ZNF280D: variants seen among roughly 807,000 people sequenced by gnomAD.
ZNF280D encodes suppressor of hairy wing homolog 4.
Under a neutral mutation model 94.7 loss-of-function variants are expected in ZNF280D, and 39 were observed. The ratio of observed to expected loss-of-function variants is 0.41; its 90% CI spans 0.32 to 0.54. The LOEUF (loss-of-function observed/expected upper bound fraction) is 0.54, where lower values mean the gene tolerates loss of function less well. ZNF280D is among the 20% of genes least tolerant of loss of function. The probability of loss-of-function intolerance (pLI) is 0.22; values close to 1 mark genes in which losing one functional copy is unlikely to be tolerated. For missense variants in ZNF280D, 1,090 were observed against 1,149.3 expected, an observed-to-expected ratio of 0.95 and a Z score of 0.75; for synonymous variants, 398 against 377.6, an observed-to-expected ratio of 1.05 and a Z score of -0.63.
chr15:56,668,128 T>C (rs1288593649), intron 14 of ZNF280D: 4 of 455,132 alleles, frequency 8.8e-6, no homozygotes, highest in Non-Finnish European at 1.8e-5. Context: ...ATAACAGACA[T>C]ACCCACATTC....
intron 14 of ZNF280D, 62 bp from the exon 15 acceptor site, chr15:56,667,048 C>G: frequency 1.6e-6 from 2 of 1,240,400 alleles, no homozygotes; most frequent in Non-Finnish European, 2.1e-6. Context: ...ATTAAAATAT[C>G]ATGGTACAAA....
chr15:56,705,208 A>C (rs188682842), intron 3 of ZNF280D, among the ~76,000 whole-genome samples: 1 of 152,162 alleles, frequency 6.6e-6, no homozygotes, highest in African/African-American at 2.4e-5. Context: ...TTTTCTCTAA[A>C]CTGTACTATT....
At chr15:56,637,169 A>ATTTTT (rs10659333) in intron 20 of ZNF280D, among the ~76,000 whole-genome samples, 1 of 138,468 alleles carries the variant, frequency 7.2e-6, no homozygotes, top group South Asian at 2.3e-4. Context: ...TCCAGAATGA[A>ATTTTT]TTTTTTTTTT....
chr15:56,665,304 G>T (rs931226253), intron 16 of ZNF280D, among the ~76,000 whole-genome samples: 18 of 152,004 alleles, frequency 1.2e-4, no homozygotes, highest in African/African-American at 4.1e-4. Flanking sequence ...AACTTACTTT[G>T]AAAAAGCAAA....
intron 7 of ZNF280D, among the ~76,000 whole-genome samples, chr15:56,689,931 T>G (rs1461346277): frequency 6.6e-6 from 1 of 152,180 alleles, no homozygotes; most frequent in East Asian, 1.9e-4. Flanking sequence ...ATTTAACAAC[T>G]TAAAATGTCT....
chr15:56,729,420 A>G (rs2058780531), intron 1 of ZNF280D, among the ~76,000 whole-genome samples: 5 of 152,212 alleles, frequency 3.3e-5, no homozygotes. Flanking sequence ...TTTCGAATAT[A>G]ATTCATGATT....
chr15:56,701,630 A>G (rs1394863762), intron 4 of ZNF280D, among the ~76,000 whole-genome samples: 2 of 152,144 alleles, frequency 1.3e-5, no homozygotes, highest in Middle Eastern at 3.2e-3. Flanking sequence ...TTGCATGATG[A>G]CAGGGCTGTT....
intron 12 of ZNF280D, 113 bp from the exon 13 acceptor site, chr15:56,676,929 C>T (rs2055272028): frequency 4.0e-6 from 3 of 757,898 alleles, no homozygotes; most frequent in Admixed American, 2.8e-5. Flanking sequence ...ACTAATCTAG[C>T]TCTGATGCCT....
intron 16 of ZNF280D, among the ~76,000 whole-genome samples, chr15:56,659,366 C>A (rs1389530585): frequency 1.3e-5 from 2 of 151,936 alleles, no homozygotes; most frequent in African/African-American, 4.8e-5. Context: ...CACCTAACAG[C>A]TTACAGTTGT....
chr15:56,726,958 A>T (rs1454508449), intron 1 of ZNF280D, among the ~76,000 whole-genome samples: 1 of 152,238 alleles, frequency 6.6e-6, no homozygotes, highest in Non-Finnish European at 1.5e-5. Context: ...AGTGAAACTC[A>T]AACAAGTGGT....
intron 20 of ZNF280D, among the ~76,000 whole-genome samples, chr15:56,639,431 G>A (rs2052518014): frequency 6.6e-6 from 1 of 151,906 alleles, no homozygotes; most frequent in Non-Finnish European, 1.5e-5. Flanking sequence ...CTCCCAAACA[G>A]AAATCTCCAA....
chr15:56,666,769 T>G lies in ZNF280D; in HGVS notation c.1763A>C (p.Lys588Thr), dbSNP rs1251628332. 1 of 1,613,712 alleles carries G rather than the reference T, an allele frequency of 6.2e-7. No individual in the cohort carries two copies. The highest frequency in any genetic ancestry group is 8.5e-7 in the Non-Finnish European group (1 of 1,179,872). ...SKPNGSKSKY[K>T]PKISNMQKKQ... Reference sequence around the variant, plus strand: ...CTTTTGCATATTAGAGATTTTTGGTTTGTATTTAGATTTACTTCCATTAGG... The same window carrying G: ...CTTTTGCATATTAGAGATTTTTGGTGTGTATTTAGATTTACTTCCATTAGG... The change falls in exon 15 of 22, where the codon AAA becomes ACA. Residue 588 changes from lysine (K) to threonine (T), a missense_variant. Around this residue, in one of 3 missense-constraint regions of ZNF280D, gnomAD observed 577 missense variants for 568.8 expected, o/e 1.01. Transcript: ENST00000267807.
Position 56,631,272 on chromosome 15 carries a change from A to C in ZNF280D, c.*226T>G. On this transcript the variant is annotated 3_prime_UTR_variant, in exon 22 of 22. Transcript: ENST00000267807. ...CCACTGCAAATTTAATTATCATTAAAATCCTGTTCGTGTTTTTAAAAACTT... is the reference window on the plus strand; with the variant it reads ...CCACTGCAAATTTAATTATCATTAACATCCTGTTCGTGTTTTTAAAAACTT... The C allele has an allele frequency of 2.2e-6, 1 of 451,660 alleles. No individual in the cohort carries two copies. Among genetic ancestry groups the C allele is most frequent in the Non-Finnish European group, 3.9e-6 (1 of 254,768 alleles). The allele number at this position is 451,660 out of a possible 1,614,324, so 28.0% of individuals were successfully genotyped here. A position where few individuals can be genotyped will look rare whatever the true frequency, so the allele number is the denominator to read the frequency against.
intron 19 of ZNF280D, among the ~76,000 whole-genome samples, chr15:56,648,289 C>G (rs2053015684): frequency 6.6e-6 from 1 of 151,928 alleles, no homozygotes; most frequent in African/African-American, 2.4e-5. Flanking sequence ...TTATATTGCC[C>G]AAACATCATT....
intron 3 of ZNF280D, 72 bp from the exon 4 acceptor site, chr15:56,704,339 C>T (rs1232347714): frequency 1.2e-5 from 17 of 1,400,554 alleles, no homozygotes; most frequent in East Asian, 2.5e-5. Flanking sequence ...TAATACATAG[C>T]ATTAATTTTA....
At position 56,689,312 on chromosome 15, in the gene ZNF280D, T is replaced by A; in HGVS notation, c.658A>T (p.Met220Leu). The change falls in exon 8 of 22, where the codon ATG becomes TTG. Residue 220 changes from methionine (M) to leucine (L), a missense_variant. Transcript: ENST00000267807. ...KSPSVTSSQA[M>L]LAKGTNTSSN... is the part of the protein sequence containing the mutation. ...ATTTCATATTTACCTTTTGCTAGCA[T>A]AGCCTGGGAAGAAGTCACTGAAGGA... 2.5e-6 allele frequency: 4 copies of A among 1,597,824 alleles called. No homozygotes were observed. The highest frequency in any genetic ancestry group is 3.4e-6 in the Non-Finnish European group (4 of 1,174,972).
chr15:56,718,380 A>G (rs1393863899), intron 1 of ZNF280D, among the ~76,000 whole-genome samples: 4 of 152,196 alleles, frequency 2.6e-5, no homozygotes, highest in African/African-American at 9.6e-5. Flanking sequence ...GAGGGCTTAA[A>G]TCAAAACTCC....
chr15:56,700,877 G>T, intron 6 of ZNF280D, 56 bp downstream of exon 6: 1 of 1,613,100 alleles, frequency 6.2e-7, no homozygotes, highest in South Asian at 1.1e-5. Flanking sequence ...TGTTGATATT[G>T]ATAAACAACA....
Position 56,667,005 on chromosome 15 carries a change from G to T in ZNF280D, c.1546-19C>A, listed in dbSNP as rs1435529200. The T allele has an allele frequency of 6.6e-7, 1 of 1,524,972 alleles. No individual in the cohort carries two copies. The highest frequency in any genetic ancestry group is 1.3e-5 in the South Asian group (1 of 79,068). The allele number at this position is 1,524,972 out of a possible 1,614,324, so 94.5% of individuals were successfully genotyped here. A position where few individuals can be genotyped will look rare whatever the true frequency, so the allele number is the denominator to read the frequency against. ...TAGTAACCTACAAAAATAAAGAGAA[G>T]ATTTGCTTTAAGAGATTAATCAGTA... On this transcript the variant is annotated intron_variant, in intron 14 of 21. Transcript: ENST00000267807.
Sources: gnomAD v4.1 joint callset for allele counts (sites outside exome capture counted in the v4.1 genomes callset) on GRCh38, gnomAD v4.1.1 for gene constraint, gnomAD v4.1.1 regional missense constraint, MANE v1.5 for transcripts, NCBI Gene and HGNC (gene_info 2026-07-23, HGNC 2026-07-21) for gene names.